The following STX17 variants were observed in gnomAD, a reference collection of about 807,000 sequenced individuals.
The protein encoded by STX17 is syntaxin 17, also known as syntaxin-17.
STX17 carries 29 observed loss-of-function variants against 35.9 expected under a neutral mutation model. That is an observed-to-expected ratio of 0.81 (90% CI 0.60 to 1.10). The LOEUF is 1.10. Ranked by LOEUF, STX17 falls within the 50% of genes least tolerant of loss-of-function variation. The probability of loss-of-function intolerance (pLI) is 0.00; values close to 1 mark genes in which losing one functional copy is unlikely to be tolerated. For synonymous variants in STX17, 92 were observed against 118.3 expected (o/e 0.78, Z 1.44); for missense variants, 312 against 352.3 (o/e 0.89, Z 0.92).
intron 2 of STX17, among the ~76,000 whole-genome samples, chr9:99,917,395 T>A (rs973701652): frequency 2.0e-5 from 3 of 152,222 alleles, no homozygotes; most frequent in African/African-American, 7.2e-5. Context: ...ACTCCAGGTG[T>A]CTGACAGTGC....
intron 1 of STX17, among the ~76,000 whole-genome samples, chr9:99,912,006 C>A (rs1414397165): frequency 1.3e-5 from 2 of 152,186 alleles, no homozygotes; most frequent in Admixed American, 1.3e-4. Flanking sequence ...GCAGGTGGAT[C>A]ACCTGAGGTC....
At chr9:99,913,633 G>A (rs992536933) in intron 1 of STX17, among the ~76,000 whole-genome samples, 4 of 151,918 alleles carry the variant, frequency 2.6e-5, no homozygotes, top group African/African-American at 9.7e-5. Context: ...TCGTCCATTA[G>A]GTATGAATTT....
chr9:99,935,519 G>C (rs1313833901), intron 3 of STX17, among the ~76,000 whole-genome samples: 1 of 152,034 alleles, frequency 6.6e-6, no homozygotes, highest in East Asian at 1.9e-4. Flanking sequence ...TTTCTGACCT[G>C]ATTATTAGAA....
chr9:99,914,973 G>A (rs868412478), intron 1 of STX17: 1 of 230,450 alleles, frequency 4.3e-6, no homozygotes. Flanking sequence ...TATTTATATT[G>A]TCTGAACATT....
At chr9:99,951,490 G>A (rs1199601979) in intron 4 of STX17, among the ~76,000 whole-genome samples, 1 of 151,992 alleles carries the variant, frequency 6.6e-6, no homozygotes, top group Admixed American at 6.6e-5. Flanking sequence ...CTATGCTTAT[G>A]GAGTGGGACT....
intron 4 of STX17, among the ~76,000 whole-genome samples, chr9:99,953,599 A>G (rs1403552500): frequency 6.6e-6 from 1 of 152,066 alleles, no homozygotes; most frequent in Non-Finnish European, 1.5e-5. Flanking sequence ...ATGTGGAGTA[A>G]CTGAGTTTTA....
rs550688799 is a variant in STX17, at chr9:99,927,965, A to G, written c.124-813A>G. 2.0e-5 allele frequency among the ~76,000 whole-genome samples: 3 copies of G among 152,274 alleles called. No homozygotes were observed. In the East Asian group the frequency reaches 5.8e-4, roughly 29 times the overall value. On this transcript the variant is annotated intron_variant, in intron 2 of 7. Coordinates refer to ENST00000259400, the MANE Select transcript of STX17 (RefSeq NM_017919.3). ...CTCTTATAATGTATGTTTTCTATGC[A>G]TATATGAGGGAATTTTTATGTTTCT... is the stretch of plus-strand genomic sequence containing the variant.
At chr9:99,959,397 A>T (rs1830455) in intron 4 of STX17, among the ~76,000 whole-genome samples, 102,071 of 148,536 alleles carry the variant, frequency 0.69, 35,385 homozygotes, top group African/African-American at 0.72. Context: ...AAAAAAAAAA[A>T]TTTTAGAAAA....
intron 4 of STX17, among the ~76,000 whole-genome samples, chr9:99,958,744 GTCAAC>G (rs1829764888): frequency 6.6e-6 from 1 of 152,160 alleles, no homozygotes; most frequent in Non-Finnish European, 1.5e-5. Context: ...TTTAATAAAT[GTCAAC>G]TCAATGAATG....
In STX17 at chr9:99,915,200, G is replaced by C. The variant is rs201514967; in HGVS notation, c.-40G>C. On this transcript the variant is annotated 5_prime_UTR_variant, in exon 2 of 8. Coordinates refer to ENST00000259400, the MANE Select transcript of STX17 (RefSeq NM_017919.3). ...TAGGTTTTTCTATATGAGTGGAGAA[G>C]ACAGCTGTTACCAGGGAGGTCATAC... 114 of 1,589,670 alleles carry C rather than the reference G, an allele frequency of 7.2e-5. No individual in the cohort carries two copies. The African/African-American group carries it at 1.3e-3, about 18-fold the overall frequency.
chr9:99,944,639 C>T (rs938187736), intron 3 of STX17, among the ~76,000 whole-genome samples: 15 of 151,780 alleles, frequency 9.9e-5, no homozygotes, highest in Non-Finnish European at 1.5e-4. Flanking sequence ...CTCAGCCTCC[C>T]GAGTAGCTGG....
Position 99,923,247 on chromosome 9 carries a change from A to G in STX17, c.124-5531A>G, listed in dbSNP as rs1828923538. On this transcript the variant is annotated intron_variant, in intron 2 of 7. Coordinates refer to ENST00000259400, the MANE Select transcript of STX17 (RefSeq NM_017919.3). ...ACCAGGTAGTGAGCGTAGTACTTGA[A>G]CATTCACATTTTAATAATTCATGGG... Among the ~76,000 whole-genome samples the G allele has an allele frequency of 2.6e-5, 4 of 152,118 alleles. No individual in the cohort carries two copies. In the South Asian group the frequency reaches 8.3e-4, roughly 32 times the overall value.
chr9:99,949,625 C>T (rs1189192171), intron 3 of STX17, among the ~76,000 whole-genome samples: 1 of 151,710 alleles, frequency 6.6e-6, no homozygotes, highest in Non-Finnish European at 1.5e-5. Context: ...AGAGTATGCA[C>T]TTGAAAAATT....
chr9:99,931,781 A>G (rs1438848218), intron 3 of STX17, among the ~76,000 whole-genome samples: 1 of 152,026 alleles, frequency 6.6e-6, no homozygotes, highest in Non-Finnish European at 1.5e-5. Context: ...GTTTCTCTTT[A>G]CCTTTTTCCT....
At chr9:99,950,695 G>A (rs151072247) in intron 3 of STX17, among the ~76,000 whole-genome samples, 292 of 152,060 alleles carry the variant, frequency 1.9e-3, no homozygotes, top group Admixed American at 4.3e-3. Flanking sequence ...TTAAATGTGT[G>A]CATGAGCCGT....
intron 2 of STX17, among the ~76,000 whole-genome samples, chr9:99,916,426 TATTTATTCATTCATTC>T (rs1298505437): frequency 1.9e-4 from 26 of 136,860 alleles, no homozygotes; most frequent in African/African-American, 4.4e-4. Context: ...TTTATTTATT[TATTTATTCATTCATTC>T]ATTCATTCAT....
At chr9:99,913,624 C>T (rs953961404) in intron 1 of STX17, among the ~76,000 whole-genome samples, 1 of 151,998 alleles carries the variant, frequency 6.6e-6, no homozygotes, top group South Asian at 2.1e-4. Context: ...TATTATCTTT[C>T]GTCCATTAGG....
intron 3 of STX17, among the ~76,000 whole-genome samples, chr9:99,949,389 A>G (rs776889858): frequency 1.3e-5 from 2 of 151,992 alleles, no homozygotes; most frequent in East Asian, 3.8e-4. Flanking sequence ...ATTGACTTTA[A>G]TTTTACTACA....
At chr9:99,967,472 C>CCG in intron 6 of STX17, 181 bp from the exon 7 acceptor site, 1 of 377,446 alleles carries the variant, frequency 2.6e-6, no homozygotes, top group Non-Finnish European at 4.8e-6. Flanking sequence ...AGACCCCCCC[C>CCG]TTTTTTTTAT....
Sources: allele counts gnomAD v4.1 joint callset (sites outside exome capture counted in the v4.1 genomes callset), GRCh38; gene constraint gnomAD v4.1.1; transcripts MANE v1.5; gene names NCBI Gene and HGNC (gene_info 2026-07-23, HGNC 2026-07-21).